Variants in GPHN observed in about 807,000 individuals in gnomAD.
The protein encoded by GPHN is gephyrin.
A neutral mutation model predicts 95.5 loss-of-function variants in GPHN; 17 were observed. The ratio of observed to expected loss-of-function variants is 0.18; its 90% CI spans 0.12 to 0.27. The LOEUF (loss-of-function observed/expected upper bound fraction) is 0.27. Ranked by LOEUF, GPHN falls within the 10% of genes least tolerant of loss-of-function variation. The pLI is 1.00. For missense variants in GPHN, 660 were observed against 978.1 expected (o/e 0.67, Z 4.34); for synonymous variants, 320 against 322.5 (o/e 0.99, Z 0.08).
At chr14:67,086,600 C>G (rs1017795828) in intron 11 of GPHN, among the ~76,000 whole-genome samples, 10 of 146,240 alleles carry the variant, frequency 6.8e-5, no homozygotes, top group African/African-American at 2.5e-4. Context: ...TGCAGTGAGC[C>G]GAGATTGCGC....
intron 10 of GPHN, among the ~76,000 whole-genome samples, chr14:67,024,406 T>C (rs17103839): frequency 0.019 from 2,838 of 152,328 alleles, 39 homozygotes; most frequent in African/African-American, 0.026. Context: ...ATGACATCAT[T>C]CCATCTTCTT....
At chr14:67,320,448 A>AT in the GPHN span, 1 of 1,462,346 alleles carries the variant, frequency 6.8e-7, no homozygotes, top group Non-Finnish European at 9.1e-7. Flanking sequence ...TTACCAGCTC[A>AT]GAACCTAACT....
intron 1 of GPHN, among the ~76,000 whole-genome samples, chr14:66,587,581 C>T (rs1345429678): frequency 6.6e-6 from 1 of 152,152 alleles, no homozygotes; most frequent in Non-Finnish European, 1.5e-5. Context: ...TTATGCAAAT[C>T]AGTGGAGGTC....
intron 10 of GPHN, among the ~76,000 whole-genome samples, chr14:67,055,853 C>T (rs1299976129): frequency 6.6e-6 from 1 of 152,152 alleles, no homozygotes; most frequent in Non-Finnish European, 1.5e-5. Flanking sequence ...CTGGTGGGTT[C>T]GTGATCTCAC....
intron 1 of GPHN, among the ~76,000 whole-genome samples, chr14:66,561,778 T>C (rs1277613682): frequency 6.6e-6 from 1 of 152,128 alleles, no homozygotes; most frequent in Non-Finnish European, 1.5e-5. Context: ...GCAATAAAAA[T>C]TTGTTATTAT....
chr14:67,716,236 T>C, the GPHN span, among the ~76,000 whole-genome samples: 1 of 151,032 alleles, frequency 6.6e-6, no homozygotes, highest in Non-Finnish European at 1.5e-5. Flanking sequence ...ATTGCCTAAC[T>C]AAGTTATAAG....
the GPHN span, among the ~76,000 whole-genome samples, chr14:67,369,030 T>G: frequency 3.3e-5 from 5 of 152,242 alleles, no homozygotes; most frequent in African/African-American, 1.2e-4. Flanking sequence ...CAGTTATTGA[T>G]ACAACTGAAT....
the GPHN span, chr14:67,395,521 C>T: frequency 5.0e-6 from 8 of 1,614,160 alleles, no homozygotes; most frequent in East Asian, 1.8e-4. Flanking sequence ...CATCCCGCTC[C>T]TCTCGAGAAC....
intron 8 of GPHN, among the ~76,000 whole-genome samples, chr14:66,960,398 T>C (rs148523646): frequency 1.3e-5 from 2 of 152,150 alleles, no homozygotes; most frequent in African/African-American, 2.4e-5. Context: ...AATTAGATTC[T>C]CCCCTCTCCC....
At chr14:67,675,479 C>A in the GPHN span, among the ~76,000 whole-genome samples, 2 of 151,986 alleles carry the variant, frequency 1.3e-5, no homozygotes, top group Non-Finnish European at 2.9e-5. Context: ...TCCAAAAAAA[C>A]AAAAAACCCA....
chr14:67,347,348 A>T, the GPHN span: 1 of 1,377,030 alleles, frequency 7.3e-7, no homozygotes, highest in Non-Finnish European at 1.0e-6. Context: ...AACTTAGTTC[A>T]TTTAAAGAGG....
chr14:67,013,746 A>G (rs2073144197), intron 9 of GPHN, among the ~76,000 whole-genome samples: 1 of 152,020 alleles, frequency 6.6e-6, no homozygotes, highest in African/African-American at 2.4e-5. Flanking sequence ...AAGGAAAACA[A>G]TACAGCCACA....
chr14:67,435,303 A>G, the GPHN span, among the ~76,000 whole-genome samples: 3 of 152,088 alleles, frequency 2.0e-5, no homozygotes, highest in South Asian at 6.2e-4. Flanking sequence ...CTCCACTCCC[A>G]TGATAGCCGG....
chr14:67,572,386 G>C, the GPHN span: 2 of 744,556 alleles, frequency 2.7e-6, no homozygotes, highest in Non-Finnish European at 4.1e-6. Flanking sequence ...GGGGTCCCTA[G>C]AGCTGGGGGA....
chr14:66,685,675 A>C (rs2067304880), intron 2 of GPHN, among the ~76,000 whole-genome samples: 1 of 151,860 alleles, frequency 6.6e-6, no homozygotes, highest in Admixed American at 6.6e-5. Context: ...AGATTGCAAA[A>C]ATTTTCTCCC....
At chr14:67,606,708 G>A in the GPHN span, among the ~76,000 whole-genome samples, 32 of 152,208 alleles carry the variant, frequency 2.1e-4, no homozygotes, top group Admixed American at 5.9e-4. Flanking sequence ...GTGCAGTGGC[G>A]TGATCTCAGC....
intron 17 of GPHN, among the ~76,000 whole-genome samples, chr14:67,128,466 CA>C (rs1048548395): frequency 6.6e-6 from 1 of 152,136 alleles, no homozygotes; most frequent in African/African-American, 2.4e-5. Context: ...TTGAAAAAAG[CA>C]AGTTGCAGAA....
At chr14:67,498,979 T>TTTTATTTATTTATTTATTTA in the GPHN span, among the ~76,000 whole-genome samples, 2,141 of 146,598 alleles carry the variant, frequency 0.015, 24 homozygotes, top group Non-Finnish European at 0.019. Flanking sequence ...AAGGCAATGG[T>TTTTATTTATTTATTTATTTA]TTTATTTATT....
the GPHN span, chr14:67,301,253 A>T: frequency 2.1e-6 from 1 of 484,910 alleles, no homozygotes; most frequent in Non-Finnish European, 3.7e-6. Flanking sequence ...AAACTCTAAT[A>T]ATTCTTTTTA....
Sources: gnomAD v4.1 joint callset for allele counts (sites outside exome capture counted in the v4.1 genomes callset) on GRCh38, gnomAD v4.1.1 for gene constraint, MANE v1.5 for transcripts, NCBI Gene and HGNC (gene_info 2026-07-23, HGNC 2026-07-21) for gene names.